The following DOCK1 variants were observed in gnomAD, a reference collection of about 807,000 sequenced individuals.
DOCK1 encodes dedicator of cytokinesis 1.
Under a neutral mutation model 262.7 loss-of-function variants are expected in DOCK1, and 138 were observed. That is an observed-to-expected ratio of 0.53 (90% CI 0.46 to 0.61). DOCK1 has a LOEUF of 0.61. Ranked by LOEUF, DOCK1 falls within the 20% of genes least tolerant of loss-of-function variation. DOCK1 has a pLI of 0.00. For synonymous variants in DOCK1, 866 were observed against 867.4 expected (o/e 1.00, Z 0.03); for missense variants, 1,908 against 2,370.7 (o/e 0.80, Z 4.05).
chr10:127,201,115 CCTTGT>C (rs749993156), intron 27 of DOCK1, among the ~76,000 whole-genome samples: 1 of 152,352 alleles, frequency 6.6e-6, no homozygotes, highest in East Asian at 1.9e-4. Context: ...GACACTTTAG[CCTTGT>C]CTTTCAAGAA....
chr10:127,102,489 A>G (rs2048309517), intron 23 of DOCK1, among the ~76,000 whole-genome samples: 1 of 152,206 alleles, frequency 6.6e-6, no homozygotes, highest in Admixed American at 6.5e-5. Context: ...CCCATCCCAG[A>G]TAGCTATGGA....
intron 28 of DOCK1, among the ~76,000 whole-genome samples, chr10:127,253,509 A>G (rs932339731): frequency 2.6e-5 from 4 of 152,180 alleles, no homozygotes; most frequent in African/African-American, 9.7e-5. Flanking sequence ...CTCAGATTTC[A>G]CCAGTGTTTT....
intron 1 of DOCK1, among the ~76,000 whole-genome samples, chr10:126,918,358 G>T (rs911545722): frequency 3.3e-5 from 5 of 152,262 alleles, no homozygotes; most frequent in Admixed American, 2.6e-4. Context: ...CTGCCTACTG[G>T]TGCGTGGCGG....
intron 1 of DOCK1, among the ~76,000 whole-genome samples, chr10:126,969,006 T>C (rs1264083845): frequency 2.6e-5 from 4 of 152,200 alleles, no homozygotes; most frequent in East Asian, 1.9e-4. Flanking sequence ...CATGTGGCAA[T>C]GTGCTTGCTT....
chr10:127,311,601 C>G (rs2135500575), intron 29 of DOCK1, among the ~76,000 whole-genome samples: 1 of 152,272 alleles, frequency 6.6e-6, no homozygotes, highest in South Asian at 2.1e-4. Flanking sequence ...ATCTGAAACA[C>G]TTCTGGTTTT....
chr10:127,393,333 C>T (rs528509983), intron 38 of DOCK1, among the ~76,000 whole-genome samples: 1 of 152,190 alleles, frequency 6.6e-6, no homozygotes, highest in South Asian at 2.1e-4. Context: ...ACTGATCCAG[C>T]CTGTCTCCTC....
At chr10:127,009,764 G>A (rs2041292000) in intron 11 of DOCK1, among the ~76,000 whole-genome samples, 1 of 152,140 alleles carries the variant, frequency 6.6e-6, no homozygotes, top group Non-Finnish European at 1.5e-5. Context: ...TAGGAGGCGG[G>A]TAGTAATTGG....
In DOCK1 at chr10:126,995,758, GACT is replaced by G. The variant is rs1223927346; in HGVS notation, c.474-987_474-985del. Among the ~76,000 whole-genome samples the G allele has an allele frequency of 2.0e-5, 3 of 152,194 alleles. No individual in the cohort carries two copies. The highest frequency in any genetic ancestry group is 2.0e-4 in the Admixed American group (3 of 15,282). ...GATGTTGCTTGTGTTTTTAGTTGGT[GACT>G]ACATTTAGCCATCTGGCCAGGAAGT... On this transcript the variant is annotated intron_variant, in intron 6 of 51. Transcript: ENST00000623213. This position sits in a 1 kb window ranked among gnomAD's most constrained non-coding sequence, Gnocchi z 5.8.
At chr10:126,911,080 G>A (rs2031691905) in intron 1 of DOCK1, among the ~76,000 whole-genome samples, 1 of 152,214 alleles carries the variant, frequency 6.6e-6, no homozygotes, top group African/African-American at 2.4e-5. Context: ...CAGAGGCTGA[G>A]TCGTCTGGTA....
At chr10:127,129,570 TGTTGACCCCTGAGGTCTGGC>T (rs1011780962) in intron 27 of DOCK1, among the ~76,000 whole-genome samples, 1 of 152,206 alleles carries the variant, frequency 6.6e-6, no homozygotes. Context: ...ACGAGCCACC[TGTTGACCCCTGAGGTCTGGC>T]GTTGACCCCT....
At chr10:127,140,554 T>C (rs1183516032) in intron 27 of DOCK1, among the ~76,000 whole-genome samples, 1 of 152,110 alleles carries the variant, frequency 6.6e-6, no homozygotes, top group Non-Finnish European at 1.5e-5. Context: ...GAAGGAATAA[T>C]GTGCATTGTT....
intron 40 of DOCK1, among the ~76,000 whole-genome samples, chr10:127,408,750 T>C (rs573443275): frequency 2.6e-5 from 4 of 152,328 alleles, no homozygotes; most frequent in East Asian, 1.9e-4. Flanking sequence ...GTTTTTCATA[T>C]AGTTTTTAAA....
chr10:127,413,303 T>G (rs1465752177), intron 43 of DOCK1, among the ~76,000 whole-genome samples: 2 of 152,240 alleles, frequency 1.3e-5, no homozygotes, highest in African/African-American at 4.8e-5. Flanking sequence ...GAGGCTATGC[T>G]TCTTCTAAAT....
chr10:127,387,871 T>A (rs76431775), intron 38 of DOCK1, among the ~76,000 whole-genome samples: 2 of 148,534 alleles, frequency 1.3e-5, no homozygotes, highest in Admixed American at 1.4e-4. Context: ...TTTTTTTTTT[T>A]AGCAAAGGTA....
At chr10:127,309,666 A>G (rs1463070804) in intron 29 of DOCK1, among the ~76,000 whole-genome samples, 1 of 152,170 alleles carries the variant, frequency 6.6e-6, no homozygotes, top group African/African-American at 2.4e-5. Flanking sequence ...ATGGCTAGCC[A>G]GTTCTCTCAG....
At chr10:127,357,567 C>T (rs1287160686) in intron 32 of DOCK1, among the ~76,000 whole-genome samples, 2 of 152,100 alleles carry the variant, frequency 1.3e-5, no homozygotes, top group Non-Finnish European at 2.9e-5. Flanking sequence ...GAGCAAGCTC[C>T]CCCCTTCCCT....
At chr10:126,987,488 G>T in intron 4 of DOCK1, 33 bp from the exon 5 acceptor site, 1 of 1,536,638 alleles carries the variant, frequency 6.5e-7, no homozygotes, top group South Asian at 1.2e-5. Context: ...GTGAAACCGT[G>T]GACTCAGCTG....
chr10:127,065,139 G>T (rs772828441), intron 23 of DOCK1, among the ~76,000 whole-genome samples: 9 of 152,120 alleles, frequency 5.9e-5, no homozygotes, highest in African/African-American at 2.2e-4. Flanking sequence ...CCTCCCAGCA[G>T]CTGGGATTAC....
At chr10:127,288,032 A>G (rs1172544842) in intron 29 of DOCK1, among the ~76,000 whole-genome samples, 1 of 152,240 alleles carries the variant, frequency 6.6e-6, no homozygotes, top group Non-Finnish European at 1.5e-5. Context: ...AAGGAAGGAT[A>G]AATGCTTGTC....
Sources: allele counts gnomAD v4.1 joint callset (sites outside exome capture counted in the v4.1 genomes callset), GRCh38; gene constraint gnomAD v4.1.1; non-coding constraint Gnocchi (gnomAD v3.1); transcripts MANE v1.5; gene names NCBI Gene and HGNC (gene_info 2026-07-23, HGNC 2026-07-21).